MAF: variants seen among roughly 807,000 people sequenced by gnomAD.
MAF encodes MAF bZIP transcription factor.
In MAF, 10 loss-of-function variants were observed where a neutral mutation model predicts 22.0. That is an observed-to-expected ratio of 0.45 (90% CI 0.28 to 0.77). The LOEUF is 0.77. MAF is among the 30% of genes least tolerant of loss of function. The pLI is 0.12. For synonymous variants in MAF, 337 were observed against 255.8 expected (o/e 1.32, Z -3.03); for missense variants, 544 against 548.4 (o/e 0.99, Z 0.08).
At chr16:79,431,166 T>C in the MAF span, among the ~76,000 whole-genome samples, 1 of 152,090 alleles carries the variant, frequency 6.6e-6, no homozygotes, top group East Asian at 1.9e-4. Flanking sequence ...CCTCACCCCA[T>C]CCCTCAACCA....
the MAF span, among the ~76,000 whole-genome samples, chr16:79,548,591 T>C: frequency 6.6e-6 from 1 of 152,206 alleles, no homozygotes; most frequent in Non-Finnish European, 1.5e-5. Flanking sequence ...ATAGATGGCA[T>C]TGATGATGAA....
At chr16:79,597,479 C>A (rs1913603299) in intron 1 of MAF, 9 of 1,025,000 alleles carry the variant, frequency 8.8e-6, no homozygotes, top group Non-Finnish European at 1.1e-5. Context: ...GGGCGTCATT[C>A]TTATTAAAAA....
the MAF span, among the ~76,000 whole-genome samples, chr16:79,254,797 A>T: frequency 7.2e-5 from 11 of 152,294 alleles, no homozygotes; most frequent in African/African-American, 2.6e-4. Context: ...ACAGCAGATG[A>T]ACTCTACGCA....
the MAF span, among the ~76,000 whole-genome samples, chr16:79,293,862 A>C: frequency 6.6e-6 from 1 of 152,004 alleles, no homozygotes; most frequent in Admixed American, 6.5e-5. Flanking sequence ...AGAGAGAGAG[A>C]GAGAGAGAAA....
At chr16:79,519,768 G>T in the MAF span, among the ~76,000 whole-genome samples, 1 of 152,232 alleles carries the variant, frequency 6.6e-6, no homozygotes, top group African/African-American at 2.4e-5. Context: ...GTGACGCTGA[G>T]CGTCCTCTGA....
rs774221844 is a variant in MAF at position 79,599,666 on chromosome 16, G to T, written c.237C>A (p.Gly79=). ...PSPSFSAPSP[G]SGSEQKAHLE... ...GGTGCGCCTTCTGCTCGCTGCCCGA[G>T]CCCGGGCTGGGCGCCGAGAAGCTGG... The change falls in exon 1 of 2, where the codon GGC becomes GGA. Residue 79 remains glycine, a synonymous_variant. Coordinates refer to ENST00000326043, the MANE Select transcript of MAF (RefSeq NM_005360.5). 8 of 1,612,190 alleles carry T rather than the reference G, an allele frequency of 5.0e-6. No individual in the cohort carries two copies. The highest frequency in any genetic ancestry group is 5.9e-6 in the Non-Finnish European group (7 of 1,179,674).
At chr16:79,386,659 G>A in the MAF span, among the ~76,000 whole-genome samples, 45 of 151,938 alleles carry the variant, frequency 3.0e-4, no homozygotes, top group Non-Finnish European at 5.4e-4. Flanking sequence ...GTATGTTATC[G>A]CAGATTGTAA....
At chr16:79,526,615 G>A in the MAF span, among the ~76,000 whole-genome samples, 2 of 152,114 alleles carry the variant, frequency 1.3e-5, no homozygotes, top group Non-Finnish European at 2.9e-5. Flanking sequence ...GCGGTATGCT[G>A]GTAAATGTTT....
the MAF span, among the ~76,000 whole-genome samples, chr16:79,435,347 T>A: frequency 5.9e-5 from 9 of 152,166 alleles, no homozygotes; most frequent in African/African-American, 1.9e-4. Flanking sequence ...TAAATTACAA[T>A]GAGGGATTGA....
chr16:79,383,971 C>A, the MAF span, among the ~76,000 whole-genome samples: 1 of 152,112 alleles, frequency 6.6e-6, no homozygotes, highest in East Asian at 1.9e-4. Flanking sequence ...GTGAAAAAGT[C>A]CAAAGGGCGT....
At chr16:79,552,768 G>A in the MAF span, among the ~76,000 whole-genome samples, 3 of 152,130 alleles carry the variant, frequency 2.0e-5, no homozygotes, top group South Asian at 2.1e-4. Flanking sequence ...TCTGGGAGGG[G>A]CATTTTTTTC....
At chr16:79,232,448 C>G in the MAF span, among the ~76,000 whole-genome samples, 3,862 of 151,996 alleles carry the variant, frequency 0.025, 102 homozygotes, top group Non-Finnish European at 0.036. Flanking sequence ...GTAGTTGACT[C>G]GACAATTTCT....
the MAF span, among the ~76,000 whole-genome samples, chr16:79,467,660 C>G: frequency 6.6e-6 from 1 of 152,134 alleles, no homozygotes; most frequent in Non-Finnish European, 1.5e-5. Context: ...TGCAGATTCT[C>G]AGGGCCCACC....
the MAF span, among the ~76,000 whole-genome samples, chr16:79,343,465 A>G: frequency 0.046 from 7,061 of 152,240 alleles, 350 homozygotes; most frequent in African/African-American, 0.13. Context: ...GAAGTGTTCC[A>G]CGGAGTCCAC....
chr16:79,524,382 G>C, the MAF span, among the ~76,000 whole-genome samples: 1 of 152,162 alleles, frequency 6.6e-6, no homozygotes, highest in Admixed American at 6.5e-5. Flanking sequence ...TGTAGATGGG[G>C]ATTTATTTGC....
At chr16:79,402,944 CCTTG>C in the MAF span, among the ~76,000 whole-genome samples, 284 of 152,198 alleles carry the variant, frequency 1.9e-3, 1 homozygote, top group African/African-American at 6.5e-3. Context: ...GGTTGTGGAG[CCTTG>C]GGAGTCCTTG....
the MAF span, among the ~76,000 whole-genome samples, chr16:79,523,655 G>A: frequency 6.6e-6 from 1 of 152,130 alleles, no homozygotes; most frequent in Non-Finnish European, 1.5e-5. Context: ...TGGAGACAGT[G>A]GTCACAAAGG....
chr16:79,389,015 T>A, the MAF span, among the ~76,000 whole-genome samples: 4 of 152,216 alleles, frequency 2.6e-5, no homozygotes, highest in Non-Finnish European at 5.9e-5. Flanking sequence ...GCACGAAATA[T>A]GAAACTATTT....
the MAF span, among the ~76,000 whole-genome samples, chr16:79,477,223 T>C: frequency 6.6e-6 from 1 of 152,204 alleles, no homozygotes; most frequent in African/African-American, 2.4e-5. Flanking sequence ...CACTGGATCA[T>C]TTTAATGACC....
Sources: gnomAD v4.1 joint callset for allele counts (sites outside exome capture counted in the v4.1 genomes callset) on GRCh38, gnomAD v4.1.1 for gene constraint, MANE v1.5 for transcripts, NCBI Gene and HGNC (gene_info 2026-07-23, HGNC 2026-07-21) for gene names.